Variants in TRABD2B observed in about 807,000 individuals in gnomAD.
TRABD2B encodes the protein TraB domain containing 2B, also known as metalloprotease TIKI2.
TRABD2B carries 14 observed loss-of-function variants against 40.1 expected under a neutral mutation model. The observed-to-expected ratio is 0.35, with a 90% CI of 0.23 to 0.55. The LOEUF is 0.55. TRABD2B is among the 20% of genes least tolerant of loss of function. The probability of loss-of-function intolerance (pLI) is 0.90; values close to 1 mark genes in which losing one functional copy is unlikely to be tolerated. For missense variants in TRABD2B, 541 were observed against 648.6 expected (o/e 0.83, Z 1.80); for synonymous variants, 263 against 277.0 (o/e 0.95, Z 0.50).
chr1:47,775,117 TATCCCGGGTGCAGAC>T, intron 6 of TRABD2B, 38 bp downstream of exon 6: 1 of 1,231,942 alleles, frequency 8.1e-7, no homozygotes, highest in Non-Finnish European at 1.0e-6. Context: ...CAGGGTATAC[TATCCCGGGTGCAGAC>T]GCCCAGCTCC....
At position 47,863,283 on chromosome 1, in the gene TRABD2B, T is replaced by C. The variant is rs144564947; in HGVS notation, c.667-61664A>G. Among the ~76,000 whole-genome samples, 115 of 146,646 alleles carry C rather than the reference T, an allele frequency of 7.8e-4. 1 individual carries two copies. In the East Asian group the frequency reaches 0.015, roughly 19 times the overall value. ...AAGAGAATGAAAAGATAAGCTCAGA[T>C]TGGGAGAAAATATTTGCAAAAGACT... On this transcript the variant is annotated intron_variant, in intron 2 of 6. Coordinates refer to ENST00000606738, the MANE Select transcript of TRABD2B (RefSeq NM_001194986.2).
chr1:47,835,887 T>G (rs1432768634), intron 2 of TRABD2B, among the ~76,000 whole-genome samples: 1 of 151,994 alleles, frequency 6.6e-6, no homozygotes, highest in Non-Finnish European at 1.5e-5. Flanking sequence ...AAATGAAAAA[T>G]GAATTTTGAA....
chr1:47,909,603 G>C (rs973607279), intron 2 of TRABD2B, among the ~76,000 whole-genome samples: 11 of 127,824 alleles, frequency 8.6e-5, no homozygotes, highest in African/African-American at 3.1e-4. Flanking sequence ...AGGAGGAGGA[G>C]CCAGACTCTT....
At chr1:47,964,467 T>C (rs1422511561) in intron 2 of TRABD2B, among the ~76,000 whole-genome samples, 1 of 152,172 alleles carries the variant, frequency 6.6e-6, no homozygotes, top group East Asian at 1.9e-4. Context: ...CTGCCTACCC[T>C]TAGACTACTG....
intron 2 of TRABD2B, among the ~76,000 whole-genome samples, chr1:47,831,419 C>A (rs947819102): frequency 9.2e-5 from 14 of 152,098 alleles, no homozygotes; most frequent in Admixed American, 1.3e-4. Context: ...CTGCTGCGGG[C>A]GCAGTGTGAA....
chr1:47,792,671 T>C (rs1644691069), intron 4 of TRABD2B, among the ~76,000 whole-genome samples: 1 of 152,176 alleles, frequency 6.6e-6, no homozygotes, highest in Non-Finnish European at 1.5e-5. Flanking sequence ...CCCTCACTGC[T>C]GTGATTTTCA....
intron 2 of TRABD2B, 28 bp from the exon 3 acceptor site, chr1:47,801,647 G>T: frequency 6.5e-7 from 1 of 1,532,862 alleles, no homozygotes; most frequent in South Asian, 1.2e-5. Context: ...AGAGGAATGA[G>T]GGCTGTGCTC....
At chr1:47,863,747 T>C (rs1644012970) in intron 2 of TRABD2B, among the ~76,000 whole-genome samples, 1 of 152,190 alleles carries the variant, frequency 6.6e-6, no homozygotes, top group Non-Finnish European at 1.5e-5. Flanking sequence ...TACTCCTTGG[T>C]ACTTACCCAA....
At chr1:47,855,143 TATTTCA>T (rs1643878645) in intron 2 of TRABD2B, among the ~76,000 whole-genome samples, 1 of 152,198 alleles carries the variant, frequency 6.6e-6, no homozygotes, top group Non-Finnish European at 1.5e-5. Context: ...TAAAATGAAA[TATTTCA>T]AAAGAAGAGT....
intron 2 of TRABD2B, among the ~76,000 whole-genome samples, chr1:47,978,277 C>T (rs1274994207): frequency 6.6e-6 from 1 of 152,192 alleles, no homozygotes; most frequent in Non-Finnish European, 1.5e-5. Flanking sequence ...GACACTGAAT[C>T]TACTAGTGTC....
chr1:47,803,627 T>C (rs991803481), intron 2 of TRABD2B, among the ~76,000 whole-genome samples: 11 of 152,244 alleles, frequency 7.2e-5, no homozygotes, highest in Admixed American at 5.2e-4. Context: ...GTTGTGGTGA[T>C]AGATACACCA....
chr1:47,915,446 C>A (rs2124717784), intron 2 of TRABD2B, among the ~76,000 whole-genome samples: 1 of 152,294 alleles, frequency 6.6e-6, no homozygotes, highest in African/African-American at 2.4e-5. Flanking sequence ...GGATCATTAC[C>A]ATTTGCATGT....
chr1:47,904,387 C>T (rs564623987), intron 2 of TRABD2B, among the ~76,000 whole-genome samples: 115 of 152,128 alleles, frequency 7.6e-4, no homozygotes, highest in Middle Eastern at 3.4e-3. Flanking sequence ...TAGGTGAAGA[C>T]ATTTATATGA....
At chr1:47,953,196 C>T (rs943548963) in intron 2 of TRABD2B, among the ~76,000 whole-genome samples, 8 of 152,236 alleles carry the variant, frequency 5.3e-5, no homozygotes, top group Non-Finnish European at 8.8e-5. Context: ...CATGCAGGTA[C>T]TGCACTTGTC....
At chr1:47,990,913 G>A (rs1295578087) in intron 2 of TRABD2B, among the ~76,000 whole-genome samples, 6 of 146,952 alleles carry the variant, frequency 4.1e-5, no homozygotes, top group African/African-American at 1.3e-4. Flanking sequence ...GTGCTGAGCT[G>A]TCTACAATAC....
intron 2 of TRABD2B, among the ~76,000 whole-genome samples, chr1:47,894,855 T>G (rs912069148): frequency 5.3e-5 from 8 of 151,998 alleles, no homozygotes; most frequent in Admixed American, 1.3e-4. Flanking sequence ...GACACAGACA[T>G]GACTCAGATG....
intron 2 of TRABD2B, among the ~76,000 whole-genome samples, chr1:47,966,527 C>T (rs537049636): frequency 1.3e-5 from 2 of 152,318 alleles, no homozygotes; most frequent in South Asian, 4.1e-4. Flanking sequence ...AAGAGGAGTG[C>T]TAAGCTGAGC....
chr1:47,790,208 T>C lies in TRABD2B; in HGVS notation c.988+4378A>G, dbSNP rs183495546. 2.3e-3 allele frequency among the ~76,000 whole-genome samples: 343 copies of C among 152,336 alleles called. 4 individuals carry two copies. Among genetic ancestry groups the C allele is most frequent in the African/African-American group, 8.0e-3 (331 of 41,584 alleles). On this transcript the variant is annotated intron_variant, in intron 4 of 6. Transcript: ENST00000606738. ...ACCAGAGGAAACCCAAGGACCTGCA[T>C]CTACAAGCAACTGGACTAGAAAATC... is the stretch of plus-strand genomic sequence containing the variant.
intron 2 of TRABD2B, among the ~76,000 whole-genome samples, chr1:47,865,371 C>A (rs1017669561): frequency 6.6e-6 from 1 of 151,966 alleles, no homozygotes; most frequent in Non-Finnish European, 1.5e-5. Context: ...CCCCACCTCT[C>A]GCAGTACTGA....
Sources: gnomAD v4.1 joint callset for allele counts (sites outside exome capture counted in the v4.1 genomes callset) on GRCh38, gnomAD v4.1.1 for gene constraint, MANE v1.5 for transcripts, NCBI Gene and HGNC (gene_info 2026-07-23, HGNC 2026-07-21) for gene names.